IRS4: variants seen among roughly 807,000 people sequenced by gnomAD.
IRS4 encodes 160 kDa phosphotyrosine protein.
In IRS4, 15 loss-of-function variants were observed where a neutral mutation model predicts 48.6. The ratio of observed to expected loss-of-function variants is 0.31; its 90% confidence interval spans 0.21 to 0.48. IRS4 has a LOEUF of 0.48. Ranked by LOEUF, IRS4 falls within the 20% of genes least tolerant of loss-of-function variation. The probability of loss-of-function intolerance (pLI) is 0.99; values close to 1 mark genes in which losing one functional copy is unlikely to be tolerated. For missense variants in IRS4, 987 were observed against 1,023.4 expected (o/e 0.96, Z 0.49); for synonymous variants, 459 against 413.2 (o/e 1.11, Z -1.34).
Position 108,733,021 on chromosome X carries a change from G to C in IRS4, c.3324C>G (p.Leu1108=), listed in dbSNP as rs537300647. 16 of 1,209,601 alleles carry C rather than the reference G, an allele frequency of 1.3e-5. No homozygotes were observed. In the East Asian group the frequency reaches 4.4e-4, roughly 34 times the overall value. ...AAVSAFPTDS[L]ERDLSPSSAP... ...CTGAGGATGGGGAAAGGTCTCTCTC[G>C]AGGCTGTCTGTTGGAAAAGCAGAGA... The change falls in exon 1 of 2, where the codon CTC becomes CTG. Residue 1108 remains leucine, a synonymous_variant. Coordinates refer to ENST00000372129, the MANE Select transcript of IRS4 (RefSeq NM_001379150.1).
At chrX:108,726,591 C>G (rs1382167896) in intron 1 of IRS4, 2 of 111,460 alleles carry the variant, frequency 1.8e-5, no homozygotes. Flanking sequence ...CTTTCAAGGG[C>G]CCCATGGATA....
chrX:108,732,435 G>T, intron 1 of IRS4, 144 bp downstream of exon 1: 2 of 1,056,130 alleles, frequency 1.9e-6, no homozygotes, highest in South Asian at 2.1e-5. Flanking sequence ...AAAGGCATTT[G>T]TGAATAATTA....
chrX:108,728,684 CT>C (rs917274606), intron 1 of IRS4, among the ~76,000 whole-genome samples: 2 of 112,040 alleles, frequency 1.8e-5, no homozygotes, highest in Non-Finnish European at 3.8e-5. Context: ...ACAATAGACC[CT>C]TTTAAATCAC....
Position 108,733,867 on chromosome X carries a change from A to G in IRS4, c.2478T>C (p.Ser826=), listed in dbSNP as rs1176361575. ...RSSPLGQNDN[S]EYVPMLPGKF... ...TTCCAGGTAACATTGGCACATACTC[A>G]CTGTTGTCATTCTGTCCCAAAGGTG... Residue 826 remains serine (S), a synonymous_variant, in exon 1 of 2, where the codon AGT becomes AGC. Coordinates refer to ENST00000372129, the MANE Select transcript of IRS4 (RefSeq NM_001379150.1). The G allele has an allele frequency of 1.7e-6, 2 of 1,210,265 alleles. No individual in the cohort carries two copies. The highest frequency in any genetic ancestry group is 2.2e-6 in the Non-Finnish European group (2 of 894,687).
intron 1 of IRS4, chrX:108,724,415 G>C (rs2068866118): frequency 8.9e-6 from 1 of 112,306 alleles, no homozygotes. Context: ...TATGCTAGTA[G>C]AAAGGAATAA....
At position 108,721,243 on chromosome X, in the gene IRS4, C is replaced by T. The variant is rs770855567; in HGVS notation, c.*1276G>A. On this transcript the variant is annotated 3_prime_UTR_variant, in exon 2 of 2. Coordinates refer to ENST00000372129, the MANE Select transcript of IRS4 (RefSeq NM_001379150.1). ...GCAAGCCAAGATTTGTGTGCCACCA[C>T]GGAACAAAGCTCTAAGCAAGCTTCA... The T allele has an allele frequency of 3.6e-5, 4 of 111,438 alleles. No individual in the cohort carries two copies. The highest frequency in any genetic ancestry group is 7.5e-5 in the Non-Finnish European group (4 of 53,074). 9.2% of individuals were successfully genotyped at this position (111,438 alleles called of 1,213,427 possible).
In IRS4 at chrX:108,736,492, C is replaced by G. The variant is rs1245414922; in HGVS notation, c.-148G>C. 1.2e-5 allele frequency: 11 copies of G among 948,229 alleles called. No individual in the cohort carries two copies. The highest frequency in any genetic ancestry group is 2.9e-5 in the Admixed American group (1 of 33,992). The allele number at this position is 948,229 out of a possible 1,213,427, so 78.1% of individuals were successfully genotyped here. A position where few individuals can be genotyped will look rare whatever the true frequency, so the allele number is the denominator to read the frequency against. On this transcript the variant is annotated 5_prime_UTR_variant, in exon 1 of 2. Coordinates refer to ENST00000372129, the MANE Select transcript of IRS4 (RefSeq NM_001379150.1). ...CCCCGCCCACTCCACTCTGAGCGCA[C>G]GACAGCGGGCAAAACAACACGTGAC... is the stretch of plus-strand genomic sequence containing the variant.
In IRS4 at chrX:108,732,742, G is replaced by C. The variant is rs747824939; in HGVS notation, c.3603C>G (p.Asn1201Lys). 2.5e-6 allele frequency: 3 copies of C among 1,209,483 alleles called. No homozygotes were observed. Among genetic ancestry groups the C allele is most frequent in the African/African-American group, 3.5e-5 (2 of 57,174 alleles). Residue 1201 changes from asparagine (N) to lysine (K), a missense_variant, in exon 1 of 2, where the codon AAC becomes AAG. This residue lies in a region of IRS4 where 720 missense variants were observed against 660.3 expected (regional missense o/e 1.09). Transcript: ENST00000372129. ...NPSANLARGD[N>K]QAGGAAAAAA... ...CTGCAGCGGCAGCCCCGCCAGCCTG[G>C]TTATCACCTCTGGCAAGGTTTGCAG...
Position 108,732,615 on chromosome X carries a change from C to T in IRS4, c.3730G>A (p.Ala1244Thr), listed in dbSNP as rs2068908970. The change falls in exon 1 of 2, where the codon GCC becomes ACC. Residue 1244 changes from alanine to threonine, a missense_variant. Ala to Thr is a moderately conservative substitution (Grantham distance 58). Around this residue, in one of 4 missense-constraint regions of IRS4, gnomAD observed 720 missense variants for 660.3 expected, o/e 1.09. Transcript: ENST00000372129. ...DDDTHVRMDF[A>T]RRDNQFDSPK... ...GAGTCGAACTGATTATCACGTCTGG[C>T]AAAATCCATTCTCACGTGAGTGTCG... The T allele has an allele frequency of 1.8e-5, 22 of 1,211,776 alleles. No homozygotes were observed. Among genetic ancestry groups the T allele is most frequent in the Non-Finnish European group, 2.3e-5 (21 of 895,524 alleles).
At position 108,735,193 on chromosome X, in the gene IRS4, C is replaced by T; in HGVS notation, c.1152G>A (p.Arg384=). 2.5e-6 allele frequency: 3 copies of T among 1,211,445 alleles called. No homozygotes were observed. Among genetic ancestry groups the T allele is most frequent in the Non-Finnish European group, 3.3e-6 (3 of 895,532 alleles). The change falls in exon 1 of 2, where the codon AGG becomes AGA. Residue 384 remains arginine, a synonymous_variant. Transcript: ENST00000372129. ...RSRFEQFCHL[R]AIGDGEDEML... ...TCTCGTCTTCCCCGTCGCCGATGGC[C>T]CTGAGGTGGCAAAACTGCTCAAAGC...
At chrX:108,726,418 C>G (rs1390707085) in intron 1 of IRS4, 1 of 111,539 alleles carries the variant, frequency 9.0e-6, no homozygotes, top group African/African-American at 3.3e-5. Context: ...GGGTGACAGC[C>G]GAAGGGAAAC....
chrX:108,731,222 G>T (rs750239220), intron 1 of IRS4, among the ~76,000 whole-genome samples: 10 of 110,409 alleles, frequency 9.1e-5, no homozygotes, highest in Admixed American at 8.7e-4. Flanking sequence ...AAGGGGATGT[G>T]GGGGGGCTAC....
rs779923247 is a variant in IRS4, at chrX:108,735,070, C to T, written c.1275G>A (p.Ala425=). Residue 425 remains alanine, a synonymous_variant, in exon 1 of 2, where the codon GCG becomes GCA. Transcript: ENST00000372129. ...HLPRGRRSRR[A]VSVPASFFRR... ...GAAAAAAGCTGGCCGGCACTGAAAC[C>T]GCTCTCCTTGACCTGCGCCCTCTGG... The T allele has an allele frequency of 5.8e-6, 7 of 1,210,039 alleles. No homozygotes were observed. Among genetic ancestry groups the T allele is most frequent in the Non-Finnish European group, 7.8e-6 (7 of 895,278 alleles).
In IRS4 at chrX:108,734,869, A is replaced by G. The variant is rs761223077; in HGVS notation, c.1476T>C (p.Asn492=). The G allele has an allele frequency of 1.4e-5, 17 of 1,209,917 alleles. No homozygotes were observed. The highest frequency in any genetic ancestry group is 2.3e-4 in the Middle Eastern group (1 of 4,355). ...GSGGDYMPMN[N]WGSGNGRGSG... ...AGCCCCGGCCATTTCCTGAGCCCCAATTGTTCATAGGCATGTAGTCACCTC... is the reference window on the plus strand; with the variant it reads ...AGCCCCGGCCATTTCCTGAGCCCCAGTTGTTCATAGGCATGTAGTCACCTC... The change falls in exon 1 of 2, where the codon AAT becomes AAC. Residue 492 remains asparagine, a synonymous_variant. Coordinates refer to ENST00000372129, the MANE Select transcript of IRS4 (RefSeq NM_001379150.1).
At chrX:108,723,219 A>G (rs996839715) in intron 1 of IRS4, 1 of 112,205 alleles carries the variant, frequency 8.9e-6, no homozygotes, top group Non-Finnish European at 1.9e-5. Context: ...AGGTCACCAC[A>G]AAGTACCAAG....
At position 108,734,020 on chromosome X, in the gene IRS4, A is replaced by G. The variant is rs1458769532; in HGVS notation, c.2325T>C (p.Ser775=). 1 of 1,210,474 alleles carries G rather than the reference A, an allele frequency of 8.3e-7. No homozygotes were observed. Residue 775 remains serine (S), a synonymous_variant, in exon 1 of 2, where the codon AGT becomes AGC. Coordinates refer to ENST00000372129, the MANE Select transcript of IRS4 (RefSeq NM_001379150.1). ...NKEDDSKDND[S]ESDYMFMAPG... The stretch of plus-strand genomic sequence containing the variant: ...GAGCCATAAACATGTAGTCACTCTC[A>G]CTGTCATTGTCCTTTGAGTCATCCT...
At chrX:108,725,506 T>C (rs1274169124) in intron 1 of IRS4, among the ~76,000 whole-genome samples, 2 of 105,533 alleles carry the variant, frequency 1.9e-5, no homozygotes, top group Admixed American at 1.0e-4. Context: ...TGTTGAAGCA[T>C]ACATGCCAAA....
At position 108,733,336 on chromosome X, in the gene IRS4, A is replaced by T. The variant is rs2068918985; in HGVS notation, c.3009T>A (p.Ser1003Arg). Residue 1003 changes from serine (S) to arginine (R), a missense_variant, in exon 1 of 2, where the codon AGT (serine) becomes AGA (arginine). Physicochemically the swap from Ser to Arg is moderately radical, Grantham distance 110 (BLOSUM62 -1). Around this residue, in one of 4 missense-constraint regions of IRS4, gnomAD observed 720 missense variants for 660.3 expected, o/e 1.09. Coordinates refer to ENST00000372129, the MANE Select transcript of IRS4 (RefSeq NM_001379150.1). ...CCTCAATAGCATTGCTACCTGTAGC[A>T]CTGAGGGGAAGGGGAGGAAGTGGCC... is the stretch of plus-strand genomic sequence containing the variant. ...ARWPLPPLPLSATGSNAIEEE... is the reference protein window; with the variant it reads ...ARWPLPPLPLRATGSNAIEEE... 2.5e-6 allele frequency: 3 copies of T among 1,210,115 alleles called. No individual in the cohort carries two copies. The highest frequency in any genetic ancestry group is 3.4e-6 in the Non-Finnish European group (3 of 895,229).
rs1207086440 is a variant in IRS4 at position 108,734,580 on chromosome X, C to A, written c.1765G>T (p.Gly589Trp). The change falls in exon 1 of 2, where the codon GGG becomes TGG. Residue 589 changes from glycine to tryptophan, a missense_variant. Coordinates refer to ENST00000372129, the MANE Select transcript of IRS4 (RefSeq NM_001379150.1). ...CCACTTCCTGAGCCTTTGCCCCCCC[C>A]AGAGTTCTTGCCACCACCTGAGCCA... is the stretch of plus-strand genomic sequence containing the variant. ...GHGSGGGKNS[G>W]GGKGSGSGKG... 5.0e-6 allele frequency: 6 copies of A among 1,209,647 alleles called. No individual in the cohort carries two copies. Among genetic ancestry groups the A allele is most frequent in the Admixed American group, 2.2e-5 (1 of 45,752 alleles).
Sources: gnomAD v4.1 joint callset for allele counts (sites outside exome capture counted in the v4.1 genomes callset) on GRCh38, gnomAD v4.1.1 for gene constraint, gnomAD v4.1.1 regional missense constraint, MANE v1.5 for transcripts, NCBI Gene and HGNC (gene_info 2026-07-23, HGNC 2026-07-21) for gene names.